MRPL3: variants seen among roughly 807,000 people sequenced by gnomAD.
MRPL3 encodes mitochondrial ribosomal protein L3, also known as large ribosomal subunit protein uL3m.
MRPL3 carries 43 observed loss-of-function variants against 44.3 expected under a neutral mutation model. The observed-to-expected ratio is 0.97, with a 90% CI of 0.76 to 1.25. MRPL3 has a LOEUF of 1.25. Among genes scored for constraint, MRPL3 ranks in the 50% most tolerant of loss-of-function variants. The pLI is 0.00. For synonymous variants in MRPL3, 171 were observed against 152.3 expected, an observed-to-expected ratio of 1.12 and a Z score of -0.91; for missense variants, 406 against 427.6, an observed-to-expected ratio of 0.95 and a Z score of 0.45.
intron 9 of MRPL3, among the ~76,000 whole-genome samples, chr3:131,463,926 T>C (rs1005907277): frequency 6.6e-6 from 1 of 152,156 alleles, no homozygotes; most frequent in Non-Finnish European, 1.5e-5. Flanking sequence ...AAGAAATGAA[T>C]AATTTGGTTG....
chr3:131,478,240 G>T (rs561882372), intron 6 of MRPL3, among the ~76,000 whole-genome samples: 1 of 152,110 alleles, frequency 6.6e-6, no homozygotes, highest in Admixed American at 6.5e-5. Context: ...TTGCACTCTG[G>T]CAAGAATTTT....
At chr3:131,500,904 G>C (rs1934483824) in intron 2 of MRPL3, among the ~76,000 whole-genome samples, 1 of 152,216 alleles carries the variant, frequency 6.6e-6, no homozygotes, top group Non-Finnish European at 1.5e-5. Flanking sequence ...GAAGTTAGCT[G>C]AGGCTATAGA....
At position 131,482,902 on chromosome 3, in the gene MRPL3, T is replaced by C. The variant is rs140345647; in HGVS notation, c.629+4778A>G. Among the ~76,000 whole-genome samples, 809 of 152,230 alleles carry C rather than the reference T, an allele frequency of 5.3e-3. 4 individuals are homozygous for C. Among genetic ancestry groups the C allele is most frequent in the African/African-American group, 0.018 (762 of 41,554 alleles). On this transcript the variant is annotated intron_variant, in intron 6 of 9. Transcript: ENST00000264995. Reference sequence around the variant, plus strand: ...CTACCATCTCTGTCCTTCAAGTCCTTTCAGGCAGATACCTAACACTGCTCC... The same window carrying C: ...CTACCATCTCTGTCCTTCAAGTCCTCTCAGGCAGATACCTAACACTGCTCC...
intron 3 of MRPL3, among the ~76,000 whole-genome samples, chr3:131,500,186 T>C (rs2110717147): frequency 6.6e-6 from 1 of 151,560 alleles, no homozygotes; most frequent in African/African-American, 2.5e-5. Flanking sequence ...AAGGCTAGGT[T>C]ATACTTAAAA....
intron 7 of MRPL3, 43 bp downstream of exon 7, chr3:131,471,128 T>G (rs80054800): frequency 1.5e-6 from 2 of 1,352,778 alleles, no homozygotes. Flanking sequence ...TGTGCAGAAG[T>G]TGAATATTTA....
chr3:131,502,912 G>C lies in MRPL3; in HGVS notation c.-91C>G, dbSNP rs1253621897. On this transcript the variant is annotated 5_prime_UTR_variant, in exon 1 of 10. Transcript: ENST00000264995. ...CCCACGCCACCGCCACGTGGACGCA[G>C]TAGCCGTGGGGAAGTTTTCGCAATG... The C allele has an allele frequency of 8.1e-7, 1 of 1,236,960 alleles. No homozygotes were observed. Among genetic ancestry groups the C allele is most frequent in the Non-Finnish European group, 1.2e-6 (1 of 860,152 alleles). The allele number at this position is 1,236,960 out of a possible 1,614,324, so 76.6% of individuals were successfully genotyped here. A position where few individuals can be genotyped will look rare whatever the true frequency, so the allele number is the denominator to read the frequency against.
intron 9 of MRPL3, 138 bp downstream of exon 9, chr3:131,467,953 C>A: frequency 2.2e-6 from 1 of 446,324 alleles, no homozygotes; most frequent in Non-Finnish European, 3.9e-6. Context: ...TATTTATAAG[C>A]CACATATATG....
intron 6 of MRPL3, among the ~76,000 whole-genome samples, chr3:131,474,360 G>C (rs1009031676): frequency 6.6e-6 from 1 of 152,184 alleles, no homozygotes; most frequent in Non-Finnish European, 1.5e-5. Flanking sequence ...CATAGAAGTA[G>C]AGAGTGCAAC....
chr3:131,497,726 T>C (rs1934400769), intron 4 of MRPL3, among the ~76,000 whole-genome samples: 1 of 152,160 alleles, frequency 6.6e-6, no homozygotes, highest in Non-Finnish European at 1.5e-5. Flanking sequence ...CCTTCCAGAA[T>C]ACACAAAATT....
At chr3:131,485,977 C>T (rs1674330186) in intron 6 of MRPL3, among the ~76,000 whole-genome samples, 1 of 151,880 alleles carries the variant, frequency 6.6e-6, no homozygotes, top group South Asian at 2.1e-4. Context: ...TATCATGCAA[C>T]AAAAAGGAGA....
At chr3:131,494,281 C>A (rs1228888192) in intron 4 of MRPL3, among the ~76,000 whole-genome samples, 1 of 152,192 alleles carries the variant, frequency 6.6e-6, no homozygotes, top group African/African-American at 2.4e-5. Flanking sequence ...TTCCTACACG[C>A]TGAAATTAAC....
chr3:131,487,531 G>A, intron 6 of MRPL3, 149 bp downstream of exon 6: 1 of 661,872 alleles, frequency 1.5e-6, no homozygotes, highest in Non-Finnish European at 2.6e-6. Context: ...TTAAAAACCA[G>A]TGTAGGTAAC....
chr3:131,490,814 G>T (rs1934239679), intron 4 of MRPL3, among the ~76,000 whole-genome samples: 1 of 152,200 alleles, frequency 6.6e-6, no homozygotes, highest in Non-Finnish European at 1.5e-5. Flanking sequence ...CTTAGAGATT[G>T]TAATTTCACT....
chr3:131,494,641 A>G (rs1365919872), intron 4 of MRPL3, among the ~76,000 whole-genome samples: 1 of 152,218 alleles, frequency 6.6e-6, no homozygotes, highest in East Asian at 1.9e-4. Context: ...CATAAATAGA[A>G]CCAAGGTAAA....
chr3:131,482,590 A>C (rs1198690135), intron 6 of MRPL3, among the ~76,000 whole-genome samples: 1 of 152,162 alleles, frequency 6.6e-6, no homozygotes, highest in Non-Finnish European at 1.5e-5. Context: ...ACCAAAGGGT[A>C]ATGAGAATTT....
At chr3:131,493,642 T>C (rs1387905016) in intron 4 of MRPL3, among the ~76,000 whole-genome samples, 1 of 152,210 alleles carries the variant, frequency 6.6e-6, no homozygotes, top group Non-Finnish European at 1.5e-5. Flanking sequence ...CTTCCCACTT[T>C]TCTACTCTTC....
At chr3:131,501,385 T>A (rs1231536877) in intron 2 of MRPL3, 146 bp downstream of exon 2, 10 of 734,726 alleles carry the variant, frequency 1.4e-5, no homozygotes, top group African/African-American at 1.8e-5. Flanking sequence ...GAAATAAACA[T>A]GCAAAACAAA....
intron 4 of MRPL3, among the ~76,000 whole-genome samples, chr3:131,493,676 G>A (rs943920626): frequency 2.0e-5 from 3 of 152,194 alleles, no homozygotes; most frequent in Admixed American, 6.5e-5. Context: ...CTTGGAACAC[G>A]ACGTTACTGT....
intron 7 of MRPL3, among the ~76,000 whole-genome samples, chr3:131,470,558 T>C (rs1933716165): frequency 6.6e-6 from 1 of 152,108 alleles, no homozygotes; most frequent in South Asian, 2.1e-4. Flanking sequence ...ATCACTCTTA[T>C]TCATTCTACA....
Sources: gnomAD v4.1 joint callset for allele counts (sites outside exome capture counted in the v4.1 genomes callset) on GRCh38, gnomAD v4.1.1 for gene constraint, MANE v1.5 for transcripts, NCBI Gene and HGNC (gene_info 2026-07-23, HGNC 2026-07-21) for gene names.